The following PARP2 variants were observed in gnomAD, a reference collection of about 807,000 sequenced individuals.
PARP2 encodes poly [ADP-ribose] polymerase 2.
PARP2 carries 57 observed loss-of-function variants against 77.8 expected under a neutral mutation model. The ratio of observed to expected loss-of-function variants is 0.73; its 90% CI spans 0.59 to 0.91. PARP2 has a LOEUF of 0.91. Ranked by LOEUF, PARP2 falls within the 40% of genes least tolerant of loss-of-function variation. The pLI is 0.00. For missense variants in PARP2, 651 were observed against 689.0 expected, an observed-to-expected ratio of 0.94 and a Z score of 0.62; for synonymous variants, 226 against 242.6, an observed-to-expected ratio of 0.93 and a Z score of 0.64.
At chr14:20,345,220 C>T (rs530354083) in intron 2 of PARP2, 133 bp downstream of exon 2, 3 of 1,081,256 alleles carry the variant, frequency 2.8e-6, no homozygotes, top group African/African-American at 3.1e-5. Flanking sequence ...TTTGGGCATA[C>T]CACAGCACTA....
In PARP2 at chr14:20,344,933, A is replaced by G; in HGVS notation, c.48A>G (p.Ala16=). 2 of 1,611,208 alleles carry G rather than the reference A, an allele frequency of 1.2e-6. No homozygotes were observed. Among genetic ancestry groups the G allele is most frequent in the Non-Finnish European group, 1.7e-6 (2 of 1,177,632 alleles). ...TTTGCTAATTTCCAAATTCTGTAGC[A>G]TTAAATGAAAGCAAAAGAGTTAATA... The part of the protein sequence containing the change: ...RRSTGGGRAR[A]LNESKRVNNG... Residue 16 remains alanine, a splice_region_variant and synonymous_variant, in exon 2 of 16, where the codon GCA becomes GCG. Transcript: ENST00000429687.
chr14:20,344,628 C>A (rs1198149566), intron 1 of PARP2, among the ~76,000 whole-genome samples: 1 of 152,164 alleles, frequency 6.6e-6, no homozygotes, highest in Non-Finnish European at 1.5e-5. Flanking sequence ...GCCTGGCCAA[C>A]ATGGTGAAAC....
chr14:20,350,754 C>A, intron 5 of PARP2, 132 bp downstream of exon 5: 1 of 637,030 alleles, frequency 1.6e-6, no homozygotes, highest in Non-Finnish European at 2.8e-6. Flanking sequence ...CCTTAGGAAT[C>A]AAGTTGAGCA....
intron 4 of PARP2, among the ~76,000 whole-genome samples, chr14:20,348,742 A>G (rs1246465776): frequency 6.6e-6 from 1 of 152,190 alleles, no homozygotes; most frequent in South Asian, 2.1e-4. Context: ...AAGGTTAGCC[A>G]GGTGCAGTGG....
chr14:20,354,832 A>C lies in PARP2; in HGVS notation c.787A>C (p.Lys263Gln). The C allele has an allele frequency of 1.2e-6, 2 of 1,613,576 alleles. No homozygotes were observed. The highest frequency in any genetic ancestry group is 1.7e-6 in the Non-Finnish European group (2 of 1,179,768). ...PLGKLTVAQI[K>Q]AGYQSLKKIE... is the part of the protein sequence containing the mutation. Reference sequence around the variant, plus strand: ...AGGGAAGCTGACAGTGGCACAAATCAAGGCAGGTTACCAGTCTCTTAAGAA... The same window carrying C: ...AGGGAAGCTGACAGTGGCACAAATCCAGGCAGGTTACCAGTCTCTTAAGAA... The change falls in exon 9 of 16, where the codon AAG becomes CAG. Residue 263 changes from lysine to glutamine, a missense_variant. By Grantham distance (53) the Lys-to-Gln change is moderately conservative (BLOSUM62 1). Coordinates refer to ENST00000429687, the MANE Select transcript of PARP2 (RefSeq NM_001042618.2).
rs1435006412 is a variant in PARP2, at chr14:20,356,066, C to T, written c.1101+35C>T. 8.1e-6 allele frequency: 13 copies of T among 1,601,012 alleles called. No homozygotes were observed. The South Asian group carries it at 1.3e-4, about 16-fold the overall frequency. ...ATGATCATTTATTTTCATATTCTTG[C>T]ACCCTTAACCACCTCCCCCATCCCA... is the stretch of plus-strand genomic sequence containing the variant. On this transcript the variant is annotated intron_variant, in intron 11 of 15. Transcript: ENST00000429687.
In PARP2 at chr14:20,357,175, T is replaced by C. The variant is rs370333642; in HGVS notation, c.1428+26T>C. ...GTGAGACAGGAGTATGTCTGTGATC[T>C]CTAGTTTATTAATTCCAGTTTTTTT... On this transcript the variant is annotated intron_variant, in intron 14 of 15. Coordinates refer to ENST00000429687, the MANE Select transcript of PARP2 (RefSeq NM_001042618.2). 1.8e-5 allele frequency: 27 copies of C among 1,503,278 alleles called. No individual in the cohort carries two copies. The African/African-American group carries it at 2.7e-4, about 15-fold the overall frequency. 93.1% of individuals were successfully genotyped at this position (1,503,278 alleles called of 1,614,324 possible). A position where few individuals can be genotyped will look rare whatever the true frequency, so the allele number is the denominator to read the frequency against.
intron 5 of PARP2, 155 bp from the exon 6 acceptor site, chr14:20,350,892 G>T (rs1389698165): frequency 2.8e-5 from 18 of 637,352 alleles, no homozygotes; most frequent in Middle Eastern, 3.7e-4. Context: ...ATGGCAGTTA[G>T]CAAGTAACTT....
intron 4 of PARP2, among the ~76,000 whole-genome samples, chr14:20,347,388 ATATATATATATT>A (rs1883795002): frequency 6.6e-5 from 1 of 15,162 alleles, no homozygotes; most frequent in African/African-American, 2.8e-4. Flanking sequence ...ATATATATAT[ATATATATATATT>A]TTTTTTTTTT....
chr14:20,355,732 G>A lies in PARP2; in HGVS notation c.903-20G>A. The A allele has an allele frequency of 6.2e-7, 1 of 1,604,112 alleles. No homozygotes were observed. Among genetic ancestry groups the A allele is most frequent in the Non-Finnish European group, 8.5e-7 (1 of 1,171,052 alleles). ...GCCACATGTCAGAAAGCTCATTATG[G>A]GTTATATCTCTGTTCTTAGACTCCG... On this transcript the variant is annotated intron_variant, in intron 9 of 15. Coordinates refer to ENST00000429687, the MANE Select transcript of PARP2 (RefSeq NM_001042618.2).
rs144273487 is a variant in PARP2 at position 20,346,728 on chromosome 14, A to G, written c.274-135A>G. The G allele has an allele frequency of 4.1e-4, 267 of 649,718 alleles. 2 individuals are homozygous for G. The African/African-American group carries it at 4.3e-3, about 11-fold the overall frequency. The allele number at this position is 649,718 out of a possible 1,614,324, so 40.2% of individuals were successfully genotyped here. A position where few individuals can be genotyped will look rare whatever the true frequency, so the allele number is the denominator to read the frequency against. On this transcript the variant is annotated intron_variant, in intron 3 of 15. Coordinates refer to ENST00000429687, the MANE Select transcript of PARP2 (RefSeq NM_001042618.2). ...GTTACTGGTAGAACATAGGTTTGCA[A>G]TTCTTTCCTTGGGAGATGAATGTTG...
Position 20,357,751 on chromosome 14 carries a change from T to C in PARP2, c.1667T>C (p.Met556Thr), listed in dbSNP as rs1201675638. The C allele has an allele frequency of 6.2e-7, 1 of 1,613,894 alleles. No individual in the cohort carries two copies. The highest frequency in any genetic ancestry group is 1.3e-5 in the African/African-American group (1 of 75,040). ...YIVYNPNQVR[M>T]RYLLKVQFNF... The stretch of plus-strand genomic sequence containing the variant: ...GTATATAACCCCAACCAGGTCCGTA[T>C]GCGGTACCTTTTAAAGGTTCAGTTT... The change falls in exon 16 of 16, where the codon ATG becomes ACG. Residue 556 changes from methionine to threonine, a missense_variant. By Grantham distance (81) the Met-to-Thr change is moderately conservative. Coordinates refer to ENST00000429687, the MANE Select transcript of PARP2 (RefSeq NM_001042618.2).
Position 20,350,517 on chromosome 14 carries a change from T to C in PARP2, c.325-9T>C. The C allele has an allele frequency of 6.6e-7, 1 of 1,522,804 alleles. No individual in the cohort carries two copies. Among genetic ancestry groups the C allele is most frequent in the Non-Finnish European group, 9.1e-7 (1 of 1,104,210 alleles). The allele number at this position is 1,522,804 out of a possible 1,614,324, so 94.3% of individuals were successfully genotyped here. ...TCCTTTTTTTTGTTTTTGTTTTCAC[T>C]CAACATAGACCAATCTCCAGTTCAA... On this transcript the variant is annotated splice_polypyrimidine_tract_variant and intron_variant, in intron 4 of 15. Coordinates refer to ENST00000429687, the MANE Select transcript of PARP2 (RefSeq NM_001042618.2).
At chr14:20,351,193 T>C (rs1385582645) in intron 6 of PARP2, 71 bp downstream of exon 6, 7 of 1,210,514 alleles carry the variant, frequency 5.8e-6, no homozygotes, top group Non-Finnish European at 8.3e-6. Context: ...TAAAAAATTT[T>C]TTTTTAGACA....
chr14:20,347,252 G>C (rs1010076220), intron 4 of PARP2, among the ~76,000 whole-genome samples: 1 of 145,330 alleles, frequency 6.9e-6, no homozygotes, highest in Non-Finnish European at 1.5e-5. Context: ...GTCTGGTCTC[G>C]AACTCGTGAC....
chr14:20,351,145 A>C, intron 6 of PARP2, 23 bp downstream of exon 6: 1 of 1,564,940 alleles, frequency 6.4e-7, no homozygotes, highest in South Asian at 1.1e-5. Context: ...AAGTGACTAC[A>C]AAAAAATATA....
Position 20,351,139 on chromosome 14 carries a change from GACT to G in PARP2, c.497+20_497+22del, listed in dbSNP as rs1311342838. 6.2e-7 allele frequency: 1 copy of G among 1,600,322 alleles called. No homozygotes were observed. The highest frequency in any genetic ancestry group is 1.7e-5 in the Admixed American group (1 of 58,834). On this transcript the variant is annotated intron_variant, in intron 6 of 15. Transcript: ENST00000429687. Reference sequence around the variant, plus strand: ...TCAGAAGAAGTGAGTGCTGAAAAGTGACTACAAAAAAATATACCCTCCTCTTCT... The same window carrying G: ...TCAGAAGAAGTGAGTGCTGAAAAGTGACAAAAAAATATACCCTCCTCTTCT...
rs779089979 is a variant in PARP2, at chr14:20,355,736, A to C, written c.903-16A>C. ...CATGTCAGAAAGCTCATTATGGGTTATATCTCTGTTCTTAGACTCCGTACT... is the reference window on the plus strand; with the variant it reads ...CATGTCAGAAAGCTCATTATGGGTTCTATCTCTGTTCTTAGACTCCGTACT... On this transcript the variant is annotated splice_polypyrimidine_tract_variant and intron_variant, in intron 9 of 15. Coordinates refer to ENST00000429687, the MANE Select transcript of PARP2 (RefSeq NM_001042618.2). 1 of 1,607,948 alleles carries C rather than the reference A, an allele frequency of 6.2e-7. No homozygotes were observed. The highest frequency in any genetic ancestry group is 8.5e-7 in the Non-Finnish European group (1 of 1,174,466).
At chr14:20,355,031 A>G (rs1884094758) in intron 9 of PARP2, 84 bp downstream of exon 9, 4 of 1,247,006 alleles carry the variant, frequency 3.2e-6, no homozygotes, top group South Asian at 1.5e-5. Flanking sequence ...AATCTTTTAA[A>G]TCTTTTATTC....
Sources: allele counts gnomAD v4.1 joint callset (sites outside exome capture counted in the v4.1 genomes callset), GRCh38; gene constraint gnomAD v4.1.1; transcripts MANE v1.5; gene names NCBI Gene and HGNC (gene_info 2026-07-23, HGNC 2026-07-21).